AFF3: variants seen among roughly 807,000 people sequenced by gnomAD.
The protein encoded by AFF3 is ALF transcription elongation factor 3.
A neutral mutation model predicts 129.7 loss-of-function variants in AFF3; 32 were observed. That is an observed-to-expected ratio of 0.25 (90% CI 0.19 to 0.33). AFF3 has a LOEUF of 0.33. AFF3 is among the 10% of genes least tolerant of loss of function. AFF3 has a pLI of 1.00. For synonymous variants in AFF3, 644 were observed against 635.4 expected (o/e 1.01, Z -0.20); for missense variants, 1,373 against 1,592.0 (o/e 0.86, Z 2.34).
At chr2:100,140,978 G>GTGATGATGATGATGATGATGA (rs70940197) in intron 1 of AFF3, among the ~76,000 whole-genome samples, 1 of 150,944 alleles carries the variant, frequency 6.6e-6, no homozygotes, top group African/African-American at 2.4e-5. Flanking sequence ...ACAAAAGGTA[G>GTGATGATGATGATGATGATGA]TGATGATGAT....
At chr2:99,712,574 T>C (rs1677994388) in intron 11 of AFF3, among the ~76,000 whole-genome samples, 1 of 152,206 alleles carries the variant, frequency 6.6e-6, no homozygotes, top group South Asian at 2.1e-4. Context: ...AGTGAACATG[T>C]GCAATTGTGA....
chr2:99,953,418 G>C (rs575302467), intron 7 of AFF3, among the ~76,000 whole-genome samples: 4 of 152,278 alleles, frequency 2.6e-5, no homozygotes, highest in African/African-American at 9.6e-5. Flanking sequence ...TCACAAATGT[G>C]CATTTCCCTT....
intron 7 of AFF3, among the ~76,000 whole-genome samples, chr2:99,957,238 T>C (rs879594357): frequency 4.6e-5 from 7 of 152,208 alleles, no homozygotes; most frequent in Non-Finnish European, 7.3e-5. Context: ...AGATACCTTA[T>C]TCAATTCAAC....
chr2:99,824,885 A>G (rs1687956908), intron 8 of AFF3, among the ~76,000 whole-genome samples: 1 of 152,214 alleles, frequency 6.6e-6, no homozygotes. Context: ...ATAATGGCTC[A>G]TGTTCAAAAA....
chr2:99,962,378 C>G (rs1011782247), intron 7 of AFF3, among the ~76,000 whole-genome samples: 5 of 152,296 alleles, frequency 3.3e-5, no homozygotes, highest in Admixed American at 1.3e-4. Context: ...AATCACCCAT[C>G]ATACCAAGAA....
intron 13 of AFF3, among the ~76,000 whole-genome samples, chr2:99,614,436 T>C (rs1226831051): frequency 6.6e-6 from 1 of 151,998 alleles, no homozygotes; most frequent in Non-Finnish European, 1.5e-5. Context: ...TATCAGGGAG[T>C]GAGGTGCTGA....
intron 8 of AFF3, among the ~76,000 whole-genome samples, chr2:99,759,096 G>A (rs1202085486): frequency 6.6e-6 from 1 of 152,144 alleles, no homozygotes; most frequent in East Asian, 1.9e-4. Flanking sequence ...CATCATTTGT[G>A]TCTTGAGGCT....
intron 11 of AFF3, among the ~76,000 whole-genome samples, chr2:99,726,374 A>G (rs571224345): frequency 3.9e-5 from 6 of 152,244 alleles, no homozygotes; most frequent in Non-Finnish European, 7.3e-5. Context: ...GCCACTGCTC[A>G]TAAGTGATAA....
At chr2:99,638,570 C>G (rs1683892476) in intron 13 of AFF3, among the ~76,000 whole-genome samples, 1 of 152,126 alleles carries the variant, frequency 6.6e-6, no homozygotes, top group Non-Finnish European at 1.5e-5. Context: ...CCCCCGCCCA[C>G]AGAGGATCTA....
rs140509142 is a variant in AFF3, at chr2:100,057,895, T to C, written c.53+46507A>G. ...GCAACTGTCTTTCCTGGAATCAAGATAAACTATTATTCTTCATGGTTCCCT... is the reference window on the plus strand; with the variant it reads ...GCAACTGTCTTTCCTGGAATCAAGACAAACTATTATTCTTCATGGTTCCCT... On this transcript the variant is annotated intron_variant, in intron 4 of 24. Coordinates refer to ENST00000672756, the MANE Select transcript of AFF3 (RefSeq NM_001386135.1). 4.5e-3 allele frequency among the ~76,000 whole-genome samples: 678 copies of C among 152,302 alleles called. 4 individuals are homozygous for C. Among genetic ancestry groups the C allele is most frequent in the Middle Eastern group, 0.01 (3 of 294 alleles).
intron 8 of AFF3, among the ~76,000 whole-genome samples, chr2:99,774,674 T>C (rs1440689578): frequency 6.6e-6 from 1 of 152,104 alleles, no homozygotes; most frequent in Non-Finnish European, 1.5e-5. Context: ...ATTCAGGACA[T>C]AGGCATGAGC....
At position 99,693,017 on chromosome 2, in the gene AFF3, A is replaced by C. The variant is rs1014816379; in HGVS notation, c.1092-20428T>G. 9.2e-5 allele frequency among the ~76,000 whole-genome samples: 14 copies of C among 152,354 alleles called. No individual in the cohort carries two copies. The East Asian group carries it at 2.1e-3, about 23-fold the overall frequency. On this transcript the variant is annotated intron_variant, in intron 11 of 24. Transcript: ENST00000672756. ...CGCCCTCTGCAGGGCAAACTGCTGC[A>C]GTCACCAATCCATACTCCCATATGC...
At chr2:99,928,962 G>A (rs1247053815) in intron 7 of AFF3, among the ~76,000 whole-genome samples, 2 of 152,084 alleles carry the variant, frequency 1.3e-5, no homozygotes, top group Non-Finnish European at 2.9e-5. Context: ...AACACCACAG[G>A]AGCCACACTT....
intron 7 of AFF3, among the ~76,000 whole-genome samples, chr2:99,999,066 C>T (rs1041287402): frequency 1.3e-5 from 2 of 152,094 alleles, no homozygotes; most frequent in South Asian, 2.1e-4. Context: ...GCACACACTA[C>T]CCCCGGGGAA....
intron 7 of AFF3, 46 bp downstream of exon 7, chr2:100,006,586 C>T: frequency 1.3e-6 from 2 of 1,536,574 alleles, no homozygotes; most frequent in South Asian, 2.5e-5. Flanking sequence ...CAAATTGTCA[C>T]TTGTAACTAT....
intron 10 of AFF3, among the ~76,000 whole-genome samples, chr2:99,731,272 T>C (rs576992643): frequency 6.6e-6 from 1 of 152,266 alleles, no homozygotes; most frequent in South Asian, 2.1e-4. Flanking sequence ...CGTTTTTATT[T>C]CTAGATGTAC....
intron 13 of AFF3, among the ~76,000 whole-genome samples, chr2:99,633,993 C>T (rs1683379374): frequency 1.3e-5 from 2 of 148,836 alleles, no homozygotes; most frequent in South Asian, 2.1e-4. Flanking sequence ...CAGCTCGCTG[C>T]CTCCTCCGCC....
intron 11 of AFF3, among the ~76,000 whole-genome samples, chr2:99,718,527 C>G (rs13407928): frequency 0.85 from 129,935 of 152,152 alleles, 55,603 homozygotes; most frequent in East Asian, 0.92. Context: ...GATTCTAGTA[C>G]TTGTTTAGTA....
At chr2:100,030,759 C>T (rs1684425955) in intron 4 of AFF3, among the ~76,000 whole-genome samples, 1 of 152,170 alleles carries the variant, frequency 6.6e-6, no homozygotes, top group South Asian at 2.1e-4. Context: ...CCCTGTAAAG[C>T]TACATATTGG....
Sources: gnomAD v4.1 joint callset for allele counts (sites outside exome capture counted in the v4.1 genomes callset) on GRCh38, gnomAD v4.1.1 for gene constraint, MANE v1.5 for transcripts, NCBI Gene and HGNC (gene_info 2026-07-23, HGNC 2026-07-21) for gene names.